Variants in KCTD9 observed in about 807,000 individuals in gnomAD.
The protein encoded by KCTD9 is BTB/POZ domain-containing protein KCTD9.
KCTD9 carries 17 observed loss-of-function variants against 53.3 expected under a neutral mutation model. The ratio of observed to expected loss-of-function variants is 0.32; its 90% CI spans 0.22 to 0.48. KCTD9 has a LOEUF of 0.48. KCTD9 is among the 20% of genes least tolerant of loss of function. KCTD9 has a pLI of 0.99. For missense variants in KCTD9, 179 were observed against 465.5 expected, an observed-to-expected ratio of 0.38 and a Z score of 5.66; for synonymous variants, 128 against 162.7, an observed-to-expected ratio of 0.79 and a Z score of 1.62.
chr8:25,438,440 G>C (rs1053281258), intron 6 of KCTD9, among the ~76,000 whole-genome samples: 4 of 151,950 alleles, frequency 2.6e-5, no homozygotes, highest in Non-Finnish European at 5.9e-5. Context: ...ATTCTGATGT[G>C]TTCAGCATGT....
At chr8:25,439,203 GAAAC>G (rs971570205) in intron 6 of KCTD9, 72 bp downstream of exon 6, 47 of 1,186,990 alleles carry the variant, frequency 4.0e-5, no homozygotes, top group Non-Finnish European at 4.9e-5. Flanking sequence ...GTTACTGAGT[GAAAC>G]AAAGTTAAAA....
chr8:25,455,362 G>C (rs1802413529), intron 1 of KCTD9, among the ~76,000 whole-genome samples: 1 of 152,042 alleles, frequency 6.6e-6, no homozygotes, highest in African/African-American at 2.4e-5. Context: ...TTGCTAACTA[G>C]GATGACTCAT....
At chr8:25,440,844 G>C (rs886239371) in intron 3 of KCTD9, among the ~76,000 whole-genome samples, 171 bp from the exon 4 acceptor site, 1 of 152,198 alleles carries the variant, frequency 6.6e-6, no homozygotes, top group Non-Finnish European at 1.5e-5. Flanking sequence ...TAGGTGATAA[G>C]GTAGTCCCAC....
chr8:25,433,728 TCAGAAC>T (rs1801969570), intron 9 of KCTD9, among the ~76,000 whole-genome samples: 1 of 152,144 alleles, frequency 6.6e-6, no homozygotes, highest in Admixed American at 6.5e-5. Context: ...GTTGGGTGAG[TCAGAAC>T]TCTGACACCT....
chr8:25,450,718 T>C (rs1802303704), intron 1 of KCTD9: 1 of 134,692 alleles, frequency 7.4e-6, no homozygotes. Flanking sequence ...GGTGTCAATC[T>C]CTTGACCTCG....
chr8:25,453,343 C>A (rs1007877969), intron 1 of KCTD9, among the ~76,000 whole-genome samples: 3 of 148,246 alleles, frequency 2.0e-5, no homozygotes, highest in Non-Finnish European at 1.5e-5. Context: ...GGTGACAGTG[C>A]GAGACTCTGT....
chr8:25,442,585 A>G (rs1802143134), intron 3 of KCTD9, among the ~76,000 whole-genome samples: 1 of 152,340 alleles, frequency 6.6e-6, no homozygotes, highest in Admixed American at 6.5e-5. Context: ...TTGTTCTCAT[A>G]GTATCTTGGA....
At chr8:25,439,930 A>T in intron 4 of KCTD9, 1 of 496,304 alleles carries the variant, frequency 2.0e-6, no homozygotes, top group East Asian at 4.0e-5. Flanking sequence ...TTATTACATA[A>T]TAATATTCTT....
intron 2 of KCTD9, among the ~76,000 whole-genome samples, chr8:25,445,783 G>T (rs1802204462): frequency 6.6e-6 from 1 of 151,770 alleles, no homozygotes; most frequent in South Asian, 2.1e-4. Flanking sequence ...CTTAGGAAAT[G>T]ATTAACAAGC....
At chr8:25,444,896 G>A (rs1802188904) in intron 2 of KCTD9, among the ~76,000 whole-genome samples, 1 of 152,136 alleles carries the variant, frequency 6.6e-6, no homozygotes, top group Non-Finnish European at 1.5e-5. Context: ...CCCAGATACT[G>A]TATTGTGAAC....
chr8:25,433,569 T>C (rs1801965859), intron 9 of KCTD9, 134 bp from the exon 10 acceptor site: 2 of 449,288 alleles, frequency 4.5e-6, no homozygotes, highest in East Asian at 6.9e-5. Flanking sequence ...TTATTTTCTG[T>C]TTACAATAAA....
intron 6 of KCTD9, among the ~76,000 whole-genome samples, chr8:25,437,727 A>C (rs1031676266): frequency 1.3e-5 from 2 of 151,724 alleles, no homozygotes; most frequent in African/African-American, 4.8e-5. Context: ...GTGTGCCTGT[A>C]ATCCCATCTA....
chr8:25,453,412 T>A (rs1003317600), intron 1 of KCTD9, among the ~76,000 whole-genome samples: 2 of 151,204 alleles, frequency 1.3e-5, no homozygotes, highest in Non-Finnish European at 2.9e-5. Flanking sequence ...TTCCAGCACT[T>A]TGGGAGGCTG....
chr8:25,450,421 G>C, intron 1 of KCTD9: 1 of 984,018 alleles, frequency 1.0e-6, no homozygotes, highest in Non-Finnish European at 1.2e-6. Context: ...CTTGAATGTT[G>C]AGTGTTGAAG....
Sources: allele counts gnomAD v4.1 joint callset (sites outside exome capture counted in the v4.1 genomes callset), GRCh38; gene constraint gnomAD v4.1.1; transcripts MANE v1.5; gene names NCBI Gene and HGNC (gene_info 2026-07-23, HGNC 2026-07-21).